TENM1: variants seen among roughly 807,000 people sequenced by gnomAD.
The protein encoded by TENM1 is teneurin transmembrane protein 1.
A neutral mutation model predicts 174.8 loss-of-function variants in TENM1; 35 were observed. That is an observed-to-expected ratio of 0.20 (90% CI 0.15 to 0.27). TENM1 has a LOEUF of 0.27. Among genes scored for constraint, TENM1 ranks in the 10% least tolerant of loss-of-function variants. The probability of loss-of-function intolerance (pLI) is 1.00; values close to 1 mark genes in which losing one functional copy is unlikely to be tolerated. For missense variants in TENM1, 1,633 were observed against 2,130.1 expected (o/e 0.77, Z 4.59); for synonymous variants, 781 against 798.7 (o/e 0.98, Z 0.37).
chrX:124,432,391 G>GTGTA (rs201294820), intron 23 of TENM1, among the ~76,000 whole-genome samples: 1 of 108,339 alleles, frequency 9.2e-6, no homozygotes, highest in East Asian at 3.0e-4. Flanking sequence ...TACACTCCCA[G>GTGTA]TTTATTTATT....
At chrX:125,036,756 A>G in the TENM1 span, among the ~76,000 whole-genome samples, 6 of 111,716 alleles carry the variant, frequency 5.4e-5, no homozygotes, top group African/African-American at 1.9e-4. Context: ...TCAGGCTTCC[A>G]CTGTGTGCAA....
At chrX:124,916,445 C>A (rs985631384) in intron 1 of TENM1, among the ~76,000 whole-genome samples, 2 of 110,994 alleles carry the variant, frequency 1.8e-5, no homozygotes, top group East Asian at 5.7e-4. Flanking sequence ...GTAGCTGGGA[C>A]CACAGGTGTA....
chrX:124,543,816 T>C (rs1268100074), intron 15 of TENM1, among the ~76,000 whole-genome samples: 1 of 112,481 alleles, frequency 8.9e-6, no homozygotes, highest in African/African-American at 3.2e-5. Flanking sequence ...CACATTGTTG[T>C]TACACCATCA....
chrX:124,751,312 C>A (rs1045882017), intron 3 of TENM1, among the ~76,000 whole-genome samples: 1 of 111,466 alleles, frequency 9.0e-6, no homozygotes, highest in African/African-American at 3.3e-5. Flanking sequence ...AATGTTATTA[C>A]AATAAAAAGA....
the TENM1 span, among the ~76,000 whole-genome samples, chrX:125,076,960 A>T: frequency 9.1e-6 from 1 of 110,446 alleles, no homozygotes; most frequent in East Asian, 2.9e-4. Flanking sequence ...TTCCCTTCTT[A>T]GCATTTCCTA....
At chrX:124,440,602 A>G (rs1011572898) in intron 23 of TENM1, among the ~76,000 whole-genome samples, 4 of 111,833 alleles carry the variant, frequency 3.6e-5, no homozygotes, top group African/African-American at 1.3e-4. Flanking sequence ...TTTCTGTATT[A>G]CCATCTTTCA....
At chrX:124,397,066 ATTG>A (rs1416026302) in intron 27 of TENM1, among the ~76,000 whole-genome samples, 1 of 110,688 alleles carries the variant, frequency 9.0e-6, no homozygotes, top group Non-Finnish European at 1.9e-5. Context: ...GACAGGCCTG[ATTG>A]TTGTTCATAC....
chrX:124,697,416 A>G (rs1291800880), intron 5 of TENM1, among the ~76,000 whole-genome samples: 3 of 111,091 alleles, frequency 2.7e-5, no homozygotes, highest in African/African-American at 9.8e-5. Context: ...GGAGGATGCA[A>G]TACAAACTAG....
chrX:124,754,426 A>G (rs1214096507), intron 3 of TENM1, among the ~76,000 whole-genome samples: 1 of 111,057 alleles, frequency 9.0e-6, no homozygotes, highest in Non-Finnish European at 1.9e-5. Flanking sequence ...TGTTGATCCT[A>G]TCAAAACACC....
the TENM1 span, among the ~76,000 whole-genome samples, chrX:125,083,572 G>T: frequency 9.1e-6 from 1 of 110,262 alleles, no homozygotes; most frequent in African/African-American, 3.3e-5. Flanking sequence ...CTAAGTTTTT[G>T]AAAGTCAAAA....
the TENM1 span, among the ~76,000 whole-genome samples, chrX:125,132,726 T>C: frequency 9.0e-6 from 1 of 111,713 alleles, no homozygotes; most frequent in African/African-American, 3.3e-5. Flanking sequence ...GCACAGAAAG[T>C]TTAAGTAGCT....
chrX:124,485,741 C>G (rs2046938980), intron 21 of TENM1, among the ~76,000 whole-genome samples: 1 of 111,639 alleles, frequency 9.0e-6, no homozygotes, highest in African/African-American at 3.3e-5. Flanking sequence ...CTGGGGAAAC[C>G]CAGACACATA....
chrX:124,444,491 G>A, intron 23 of TENM1, among the ~76,000 whole-genome samples: 1 of 112,173 alleles, frequency 8.9e-6, no homozygotes, highest in Non-Finnish European at 1.9e-5. Flanking sequence ...TTGCAAAAGT[G>A]CCTTTGAGGT....
At chrX:124,582,163 C>T (rs1189044462) in intron 11 of TENM1, among the ~76,000 whole-genome samples, 3 of 111,996 alleles carry the variant, frequency 2.7e-5, no homozygotes, top group African/African-American at 9.7e-5. Flanking sequence ...TGTTAGTTTG[C>T]TGAGGATAAT....
At chrX:124,425,002 C>G (rs1384592775) in intron 23 of TENM1, among the ~76,000 whole-genome samples, 3 of 111,503 alleles carry the variant, frequency 2.7e-5, no homozygotes, top group African/African-American at 9.8e-5. Flanking sequence ...TCAGGTATTT[C>G]TTTATAGCAG....
At chrX:125,058,021 T>C in the TENM1 span, among the ~76,000 whole-genome samples, 2 of 111,779 alleles carry the variant, frequency 1.8e-5, no homozygotes, top group African/African-American at 6.5e-5. Context: ...ATGAACACTT[T>C]AAAAATGTAT....
chrX:124,881,701 T>TTTGTTGTTG (rs745628080), intron 3 of TENM1, among the ~76,000 whole-genome samples: 1 of 109,633 alleles, frequency 9.1e-6, no homozygotes, highest in African/African-American at 3.3e-5. Flanking sequence ...TCCCATAGTT[T>TTTGTTGTTG]TTGTTGTTGT....
At chrX:124,499,107 T>C (rs1306216211) in intron 19 of TENM1, among the ~76,000 whole-genome samples, 1 of 111,814 alleles carries the variant, frequency 8.9e-6, no homozygotes, top group Admixed American at 9.5e-5. Flanking sequence ...AAGTCACTAA[T>C]AGCAAATGAA....
chrX:124,910,317 C>T (rs1237943344), intron 1 of TENM1, among the ~76,000 whole-genome samples: 1 of 112,161 alleles, frequency 8.9e-6, no homozygotes, highest in Non-Finnish European at 1.9e-5. Flanking sequence ...TTAATCTGAA[C>T]AATCAAATTA....
Sources: allele counts gnomAD v4.1 joint callset (sites outside exome capture counted in the v4.1 genomes callset), GRCh38; gene constraint gnomAD v4.1.1; transcripts MANE v1.5; gene names NCBI Gene and HGNC (gene_info 2026-07-23, HGNC 2026-07-21).